DARS1: variants seen among roughly 807,000 people sequenced by gnomAD.
DARS1 encodes aspartyl-tRNA synthetase 1.
DARS1 carries 51 observed loss-of-function variants against 68.8 expected under a neutral mutation model. The ratio of observed to expected loss-of-function variants is 0.74; its 90% confidence interval spans 0.59 to 0.94. The LOEUF (loss-of-function observed/expected upper bound fraction) is 0.94. Among genes scored for constraint, DARS1 ranks in the 40% least tolerant of loss-of-function variants. The probability of loss-of-function intolerance (pLI) is 0.00; values close to 1 mark genes in which losing one functional copy is unlikely to be tolerated. For missense variants in DARS1, 607 were observed against 597.3 expected (o/e 1.02, Z -0.17); for synonymous variants, 203 against 190.4 (o/e 1.07, Z -0.55).
Position 135,906,290 on chromosome 2 carries a change from T to C in DARS1, c.*1026A>G, listed in dbSNP as rs1035088452. 6.6e-6 allele frequency among the ~76,000 whole-genome samples: 1 copy of C among 151,564 alleles called. No individual in the cohort carries two copies. Among genetic ancestry groups the C allele is most frequent in the Non-Finnish European group, 1.5e-5 (1 of 67,892 alleles). Reference sequence around the variant, plus strand: ...TTCCTCCCCAATATTTGTGGTCATGTAAAATTAACATTAGCATCAACATTT... The same window carrying C: ...TTCCTCCCCAATATTTGTGGTCATGCAAAATTAACATTAGCATCAACATTT... On this transcript the variant is annotated 3_prime_UTR_variant, in exon 16 of 16. Transcript: ENST00000264161.
chr2:135,909,418 T>C (rs1051690328), intron 15 of DARS1, among the ~76,000 whole-genome samples: 3 of 152,232 alleles, frequency 2.0e-5, no homozygotes, highest in Non-Finnish European at 4.4e-5. Context: ...GACACTCTGA[T>C]ACACTGTGAA....
chr2:135,915,352 C>T (rs1462016561), intron 11 of DARS1, among the ~76,000 whole-genome samples: 1 of 152,156 alleles, frequency 6.6e-6, no homozygotes, highest in Non-Finnish European at 1.5e-5. Context: ...GTGGCATGAT[C>T]ATGGGTTACT....
chr2:135,961,703 G>C (rs181194191), intron 3 of DARS1, among the ~76,000 whole-genome samples: 31 of 152,300 alleles, frequency 2.0e-4, no homozygotes, highest in Admixed American at 6.5e-4. Context: ...AAGTTCCTAT[G>C]ATGAGTAACA....
At chr2:135,919,446 T>C (rs956905707) in intron 10 of DARS1, among the ~76,000 whole-genome samples, 3 of 152,206 alleles carry the variant, frequency 2.0e-5, no homozygotes, top group African/African-American at 7.2e-5. Context: ...CAAGGAATAG[T>C]TGAATTGCTG....
At chr2:135,909,647 C>T (rs1680856610) in intron 15 of DARS1, among the ~76,000 whole-genome samples, 2 of 152,094 alleles carry the variant, frequency 1.3e-5, no homozygotes, top group Admixed American at 6.6e-5. Flanking sequence ...TTAAAAGGTA[C>T]CATATATATG....
intron 15 of DARS1, 40 bp downstream of exon 15, chr2:135,911,099 G>T (rs774685673): frequency 1.2e-6 from 1 of 857,598 alleles, no homozygotes; most frequent in Non-Finnish European, 2.0e-6. Context: ...ATTATACTTA[G>T]AACTTATGAA....
At chr2:135,916,663 C>T (rs1429655381) in intron 10 of DARS1, among the ~76,000 whole-genome samples, 1 of 152,076 alleles carries the variant, frequency 6.6e-6, no homozygotes, top group African/African-American at 2.4e-5. Context: ...TTACAAAAAT[C>T]TGACTTTTTA....
At chr2:135,908,061 C>T (rs527765767) in intron 15 of DARS1, among the ~76,000 whole-genome samples, 79 of 152,082 alleles carry the variant, frequency 5.2e-4, no homozygotes, top group African/African-American at 1.7e-3. Context: ...CTTCTCCATC[C>T]GGACTCATAT....
At chr2:135,961,587 G>C in intron 3 of DARS1, 89 bp from the exon 4 acceptor site, 2 of 793,084 alleles carry the variant, frequency 2.5e-6, no homozygotes, top group Non-Finnish European at 4.4e-6. Context: ...TTTAAAAGTG[G>C]GCCAAAATTT....
chr2:135,957,971 G>A (rs1682015395), intron 4 of DARS1, among the ~76,000 whole-genome samples: 1 of 152,008 alleles, frequency 6.6e-6, no homozygotes, highest in Admixed American at 6.5e-5. Context: ...ACTCTATAAA[G>A]CTTGTAGCCT....
At position 135,957,606 on chromosome 2, in the gene DARS1, C is replaced by A. The variant is rs561853653; in HGVS notation, c.320+3790G>T. On this transcript the variant is annotated intron_variant, in intron 4 of 15. Coordinates refer to ENST00000264161, the MANE Select transcript of DARS1 (RefSeq NM_001349.4). Reference sequence around the variant, plus strand: ...CAAACTTCTGGGTTCAAGTGAACGGCCCATTTTGGCCTCCCAAATTGCTGG... The same window carrying A: ...CAAACTTCTGGGTTCAAGTGAACGGACCATTTTGGCCTCCCAAATTGCTGG... Among the ~76,000 whole-genome samples the A allele has an allele frequency of 8.4e-4, 128 of 152,296 alleles. 1 individual carries two copies. The highest frequency in any genetic ancestry group is 1.8e-3 in the Admixed American group (28 of 15,298).
intron 3 of DARS1, chr2:135,979,041 T>C (rs1487385826): frequency 8.4e-6 from 3 of 358,576 alleles, no homozygotes; most frequent in South Asian, 1.3e-4. Context: ...GCTAGAAAAG[T>C]AGCTTGAAGT....
chr2:135,940,718 T>C (rs1558787179), intron 5 of DARS1, among the ~76,000 whole-genome samples: 1 of 152,174 alleles, frequency 6.6e-6, no homozygotes, highest in African/African-American at 2.4e-5. Context: ...GCAAGTCAAA[T>C]TGTCCCTGTT....
chr2:135,962,424 C>G (rs573588190), intron 3 of DARS1, among the ~76,000 whole-genome samples: 2 of 152,238 alleles, frequency 1.3e-5, no homozygotes, highest in South Asian at 4.1e-4. Context: ...TGTAAAACAT[C>G]ACAAGATTTT....
chr2:135,921,894 A>G (rs2104801165), intron 9 of DARS1, among the ~76,000 whole-genome samples: 1 of 152,330 alleles, frequency 6.6e-6, no homozygotes, highest in Admixed American at 6.5e-5. Flanking sequence ...TGTTCAACAA[A>G]TAACTAGTTA....
At position 135,985,464 on chromosome 2, in the gene DARS1, G is replaced by C. The variant is rs1682757469; in HGVS notation, c.5C>G (p.Pro2Arg). The change falls in exon 1 of 16, where the codon CCC (proline) becomes CGC (arginine). Residue 2 changes from proline to arginine, a missense_variant. Transcript: ENST00000264161. The part of the protein sequence containing the change: M[P>R]SASASRKSQE... Reference sequence around the variant, plus strand: ...ACTCTTGCGGCTGGCGCTGGCGCTGGGCATCGGGACACGGAACTGGGCAGT... The same window carrying C: ...ACTCTTGCGGCTGGCGCTGGCGCTGCGCATCGGGACACGGAACTGGGCAGT... The C allele has an allele frequency of 1.2e-6, 2 of 1,613,960 alleles. No homozygotes were observed. The highest frequency in any genetic ancestry group is 1.7e-6 in the Non-Finnish European group (2 of 1,179,964).
At chr2:135,968,022 G>A (rs1682276519) in intron 3 of DARS1, among the ~76,000 whole-genome samples, 1 of 152,170 alleles carries the variant, frequency 6.6e-6, no homozygotes, top group South Asian at 2.1e-4. Flanking sequence ...CACTTTGGGA[G>A]GCCAAGGTGG....
chr2:135,912,784 T>C (rs1680923593), intron 12 of DARS1, among the ~76,000 whole-genome samples: 1 of 151,220 alleles, frequency 6.6e-6, no homozygotes, highest in South Asian at 2.1e-4. Context: ...AGGCATTACT[T>C]ATTATCCATA....
intron 2 of DARS1, 47 bp downstream of exon 2, chr2:135,983,350 G>A (rs1289052363): frequency 2.5e-6 from 2 of 806,088 alleles, no homozygotes; most frequent in East Asian, 5.0e-5. Flanking sequence ...AGCTTTCCTG[G>A]AATTAGAAAG....
Sources: allele counts gnomAD v4.1 joint callset (sites outside exome capture counted in the v4.1 genomes callset), GRCh38; gene constraint gnomAD v4.1.1; transcripts MANE v1.5; gene names NCBI Gene and HGNC (gene_info 2026-07-23, HGNC 2026-07-21).